TNS3: variants seen among roughly 807,000 people sequenced by gnomAD.
TNS3 encodes the protein tensin 3.
TNS3 carries 45 observed loss-of-function variants against 140.9 expected under a neutral mutation model. The ratio of observed to expected loss-of-function variants is 0.32; its 90% CI spans 0.25 to 0.41. TNS3 has a LOEUF of 0.41. Ranked by LOEUF, TNS3 falls within the 10% of genes least tolerant of loss-of-function variation. The probability of loss-of-function intolerance (pLI) is 1.00; values close to 1 mark genes in which losing one functional copy is unlikely to be tolerated. For missense variants in TNS3, 1,716 were observed against 1,906.7 expected (o/e 0.90, Z 1.86); for synonymous variants, 815 against 788.4 (o/e 1.03, Z -0.56).
chr7:47,515,575 A>G (rs547829439), intron 2 of TNS3, among the ~76,000 whole-genome samples: 4 of 151,866 alleles, frequency 2.6e-5, no homozygotes, highest in Admixed American at 6.6e-5. Flanking sequence ...ATCTCCATCA[A>G]TTACACCATC....
intron 2 of TNS3, among the ~76,000 whole-genome samples, chr7:47,518,273 TGCGCCCGTGTG>T: frequency 6.6e-6 from 1 of 152,284 alleles, no homozygotes; most frequent in East Asian, 1.9e-4. Flanking sequence ...GCCCTCTCTG[TGCGCCCGTGTG>T]GCACAGGTAG....
intron 20 of TNS3, among the ~76,000 whole-genome samples, chr7:47,319,996 C>G (rs1216217842): frequency 6.6e-6 from 1 of 152,224 alleles, no homozygotes; most frequent in African/African-American, 2.4e-5. Flanking sequence ...TTCGAAACCT[C>G]AGCTTCACTT....
At chr7:47,564,767 C>T in intron 1 of TNS3, among the ~76,000 whole-genome samples, 1 of 150,906 alleles carries the variant, frequency 6.6e-6, no homozygotes, top group East Asian at 1.9e-4. Flanking sequence ...GGTTCTGCTT[C>T]CCTGGACAAC....
chr7:47,368,546 C>G lies in TNS3; in HGVS notation c.2100G>C (p.Glu700Asp). 1 of 1,578,892 alleles carries G rather than the reference C, an allele frequency of 6.3e-7. No individual in the cohort carries two copies. Among genetic ancestry groups the G allele is most frequent in the Middle Eastern group, 1.7e-4 (1 of 5,908 alleles). The change falls in exon 17 of 31, where the codon GAG becomes GAC. Residue 700 changes from glutamate to aspartate, a missense_variant. Coordinates refer to ENST00000311160, the MANE Select transcript of TNS3 (RefSeq NM_022748.12). Reference sequence around the variant, plus strand: ...GCTCCAGGATCAGCCTGTTGAGCTGCTCGATGGACTGGTCGATGTCCAGGG... The same window carrying G: ...GCTCCAGGATCAGCCTGTTGAGCTGGTCGATGGACTGGTCGATGTCCAGGG... Reference protein sequence around the residue: ...SPTLDIDQSIEQLNRLILELD... With the variant: ...SPTLDIDQSIDQLNRLILELD...
intron 20 of TNS3, among the ~76,000 whole-genome samples, chr7:47,342,021 T>C (rs1281431257): frequency 6.6e-6 from 1 of 152,194 alleles, no homozygotes; most frequent in Non-Finnish European, 1.5e-5. Context: ...AAGGTGTTCC[T>C]GTTGCCCTTC....
chr7:47,282,641 A>G (rs1785208296), intron 28 of TNS3, among the ~76,000 whole-genome samples: 2 of 152,112 alleles, frequency 1.3e-5, no homozygotes, highest in South Asian at 4.2e-4. Context: ...TGAAATAGGT[A>G]TTTTGGTGCA....
At chr7:47,481,168 G>A (rs1343907238) in intron 3 of TNS3, 27 bp from the exon 4 acceptor site, 7 of 1,288,992 alleles carry the variant, frequency 5.4e-6, no homozygotes, top group Non-Finnish European at 7.1e-6. Flanking sequence ...AAACAGATAA[G>A]CAAATGGATT....
rs75097046 is a variant in TNS3 at position 47,404,132 on chromosome 7, T to C, written c.724-3218A>G. On this transcript the variant is annotated intron_variant, in intron 13 of 30. Coordinates refer to ENST00000311160, the MANE Select transcript of TNS3 (RefSeq NM_022748.12). ...GATGTGCAGTCACAATTTTGTAGCA[T>C]AGAAAAATGAAATAAGAAATAGCAA... is the stretch of plus-strand genomic sequence containing the variant. Among the ~76,000 whole-genome samples, 436 of 152,282 alleles carry C rather than the reference T, an allele frequency of 2.9e-3. 1 individual carries two copies. Among genetic ancestry groups the C allele is most frequent in the African/African-American group, 9.9e-3 (412 of 41,552 alleles).
intron 1 of TNS3, among the ~76,000 whole-genome samples, chr7:47,537,973 C>A (rs1204048095): frequency 6.7e-6 from 1 of 149,606 alleles, no homozygotes; most frequent in African/African-American, 2.5e-5. Flanking sequence ...CGCACCCCCC[C>A]CACCCCCCGC....
At chr7:47,283,955 T>C in intron 27 of TNS3, 90 bp from the exon 28 acceptor site, 1 of 1,298,648 alleles carries the variant, frequency 7.7e-7, no homozygotes. Context: ...ATGTGCAGAC[T>C]GGGTTTATGA....
intron 21 of TNS3, 99 bp downstream of exon 21, chr7:47,304,733 G>A: frequency 1.7e-6 from 2 of 1,207,820 alleles, no homozygotes; most frequent in Non-Finnish European, 2.1e-6. Context: ...TCTAGCTTCA[G>A]CTTCTCTGAA....
At chr7:47,400,667 A>G in intron 14 of TNS3, 118 bp downstream of exon 14, 1 of 1,506,984 alleles carries the variant, frequency 6.6e-7, no homozygotes, top group South Asian at 1.3e-5. Flanking sequence ...TACTTTGGGA[A>G]CAATTTTGTC....
intron 13 of TNS3, among the ~76,000 whole-genome samples, chr7:47,410,434 A>G (rs1023724413): frequency 5.9e-5 from 9 of 152,208 alleles, no homozygotes; most frequent in African/African-American, 2.2e-4. Flanking sequence ...CTGTTGTTCC[A>G]GACCTGCCTT....
chr7:47,467,834 G>C (rs1381172904), intron 4 of TNS3, among the ~76,000 whole-genome samples: 2 of 152,146 alleles, frequency 1.3e-5, no homozygotes, highest in African/African-American at 2.4e-5. Flanking sequence ...CTGGCTCCTG[G>C]ACCAAGCCAG....
chr7:47,397,490 CT>C (rs1792903253), intron 15 of TNS3, among the ~76,000 whole-genome samples: 1 of 152,146 alleles, frequency 6.6e-6, no homozygotes, highest in Admixed American at 6.5e-5. Context: ...GGACTGGTTT[CT>C]TTTGAAATAT....
chr7:47,372,119 T>C (rs760584872), intron 16 of TNS3, among the ~76,000 whole-genome samples: 12 of 152,226 alleles, frequency 7.9e-5, no homozygotes, highest in Non-Finnish European at 1.2e-4. Flanking sequence ...GAGGTGCTGA[T>C]AAACGGCTTC....
At chr7:47,551,907 T>C (rs910253409) in intron 1 of TNS3, among the ~76,000 whole-genome samples, 1 of 151,820 alleles carries the variant, frequency 6.6e-6, no homozygotes, top group African/African-American at 2.4e-5. Flanking sequence ...AGGGGTGGGG[T>C]GGAGAGGGAG....
chr7:47,327,742 C>A (rs889350302), intron 20 of TNS3, among the ~76,000 whole-genome samples: 1 of 152,206 alleles, frequency 6.6e-6, no homozygotes, highest in African/African-American at 2.4e-5. Flanking sequence ...GAACTGTCAT[C>A]AAGTGACAAG....
intron 9 of TNS3, 21 bp from the exon 10 acceptor site, chr7:47,424,205 A>G (rs1794526254): frequency 1.2e-6 from 2 of 1,611,624 alleles, no homozygotes; most frequent in Non-Finnish European, 1.7e-6. Context: ...GAGAGAGAGA[A>G]AGAGAGTTAA....
Sources: allele counts gnomAD v4.1 joint callset (sites outside exome capture counted in the v4.1 genomes callset), GRCh38; gene constraint gnomAD v4.1.1; transcripts MANE v1.5; gene names NCBI Gene and HGNC (gene_info 2026-07-23, HGNC 2026-07-21).